ADGRL3: variants seen among roughly 807,000 people sequenced by gnomAD.
ADGRL3 encodes the protein calcium-independent alpha-latrotoxin receptor 3.
ADGRL3 carries 62 observed loss-of-function variants against 153.5 expected under a neutral mutation model. That is an observed-to-expected ratio of 0.40 (90% CI 0.33 to 0.50). The LOEUF (loss-of-function observed/expected upper bound fraction) is 0.50, where lower values mean the gene tolerates loss of function less well. Ranked by LOEUF, ADGRL3 falls within the 20% of genes least tolerant of loss-of-function variation. The pLI is 0.47. For missense variants in ADGRL3, 1,641 were observed against 1,859.4 expected, an observed-to-expected ratio of 0.88 and a Z score of 2.16; for synonymous variants, 710 against 672.5, an observed-to-expected ratio of 1.06 and a Z score of -0.86.
chr4:61,757,238 T>G (rs967711872), intron 8 of ADGRL3, among the ~76,000 whole-genome samples: 2 of 152,120 alleles, frequency 1.3e-5, no homozygotes, highest in Admixed American at 6.5e-5. Flanking sequence ...CGGCTGTGAA[T>G]CCATCTGGTC....
intron 4 of ADGRL3, among the ~76,000 whole-genome samples, chr4:61,520,324 T>G (rs1172006528): frequency 6.6e-6 from 1 of 152,172 alleles, no homozygotes; most frequent in Non-Finnish European, 1.5e-5. Context: ...TTTATCTCCA[T>G]GCAGCTGCAT....
At chr4:61,753,911 C>T (rs1216571868) in intron 8 of ADGRL3, among the ~76,000 whole-genome samples, 1 of 152,122 alleles carries the variant, frequency 6.6e-6, no homozygotes, top group East Asian at 1.9e-4. Flanking sequence ...CGCCTGGAGG[C>T]TAGGATACCA....
chr4:61,835,498 G>A (rs547704046), intron 9 of ADGRL3, among the ~76,000 whole-genome samples: 1 of 151,714 alleles, frequency 6.6e-6, no homozygotes, highest in Non-Finnish European at 1.5e-5. Flanking sequence ...TTAAGCTGAT[G>A]TTTAACCATA....
intron 5 of ADGRL3, among the ~76,000 whole-genome samples, chr4:61,626,666 A>T (rs1258764431): frequency 6.6e-6 from 1 of 152,114 alleles, no homozygotes. Context: ...AAGTAGTTTG[A>T]TGCTGATGAA....
At chr4:61,244,073 A>G (rs1756082104) in intron 1 of ADGRL3, among the ~76,000 whole-genome samples, 1 of 151,996 alleles carries the variant, frequency 6.6e-6, no homozygotes, top group African/African-American at 2.4e-5. Flanking sequence ...AACTTTCCCT[A>G]TCTGTCATAT....
chr4:62,043,747 A>G (rs904583304), intron 24 of ADGRL3, among the ~76,000 whole-genome samples: 1 of 152,054 alleles, frequency 6.6e-6, no homozygotes, highest in African/African-American at 2.4e-5. Flanking sequence ...AAAATCCCCC[A>G]ATGGAAAAAG....
intron 5 of ADGRL3, among the ~76,000 whole-genome samples, chr4:61,675,756 A>G (rs1271828137): frequency 6.6e-6 from 1 of 151,872 alleles, no homozygotes; most frequent in Admixed American, 6.6e-5. Context: ...TAATCACATC[A>G]GGGTAAATGG....
chr4:61,666,064 T>C (rs1028719184), intron 5 of ADGRL3, among the ~76,000 whole-genome samples: 4 of 152,194 alleles, frequency 2.6e-5, no homozygotes, highest in Admixed American at 2.6e-4. Flanking sequence ...ATGACAGAGG[T>C]AGGTGCCAGA....
intron 3 of ADGRL3, among the ~76,000 whole-genome samples, chr4:61,515,906 A>G (rs1023349733): frequency 9.9e-5 from 15 of 152,138 alleles, no homozygotes; most frequent in African/African-American, 3.6e-4. Context: ...TTACTTAGAG[A>G]TGTTGATTTT....
chr4:61,878,234 T>G (rs2149457455), intron 9 of ADGRL3, among the ~76,000 whole-genome samples: 1 of 152,300 alleles, frequency 6.6e-6, no homozygotes, highest in East Asian at 1.9e-4. Flanking sequence ...TCATTTTACC[T>G]TAGTTACTTT....
chr4:61,372,945 A>G (rs2096555787), intron 1 of ADGRL3, among the ~76,000 whole-genome samples: 1 of 152,130 alleles, frequency 6.6e-6, no homozygotes, highest in Non-Finnish European at 1.5e-5. Flanking sequence ...CCCTTTTTTA[A>G]GCCCGTCGGA....
intron 1 of ADGRL3, among the ~76,000 whole-genome samples, chr4:61,244,572 G>A (rs752493069): frequency 6.6e-6 from 1 of 151,820 alleles, no homozygotes. Flanking sequence ...ATTGTGCAAT[G>A]ATAAACTCAT....
intron 4 of ADGRL3, among the ~76,000 whole-genome samples, chr4:61,538,661 C>T (rs1026678909): frequency 2.0e-5 from 3 of 152,158 alleles, no homozygotes; most frequent in Admixed American, 6.5e-5. Context: ...AGGCTGGTCT[C>T]GAACTCCCTA....
intron 18 of ADGRL3, among the ~76,000 whole-genome samples, chr4:61,980,141 C>T (rs973474917): frequency 1.3e-5 from 2 of 151,946 alleles, no homozygotes; most frequent in African/African-American, 4.8e-5. Flanking sequence ...AACTGATGAA[C>T]CTGCATCAAC....
intron 5 of ADGRL3, among the ~76,000 whole-genome samples, chr4:61,675,684 C>T (rs2095166102): frequency 1.7e-5 from 1 of 59,412 alleles, no homozygotes; most frequent in South Asian, 4.8e-4. Context: ...TTTGTGGGAA[C>T]ATAGTCAATG....
chr4:61,559,539 TAGTC>T (rs1195491730), intron 4 of ADGRL3, among the ~76,000 whole-genome samples: 2 of 152,138 alleles, frequency 1.3e-5, no homozygotes, highest in African/African-American at 4.8e-5. Context: ...TGTGCACTAA[TAGTC>T]AGTGCGTCTG....
chr4:61,647,140 C>T (rs563897239), intron 5 of ADGRL3, among the ~76,000 whole-genome samples: 4 of 152,204 alleles, frequency 2.6e-5, no homozygotes, highest in South Asian at 2.1e-4. Flanking sequence ...TCAGCTCCTG[C>T]GCGGTGCACT....
chr4:62,012,087 G>A (rs546917669), intron 21 of ADGRL3, among the ~76,000 whole-genome samples: 1 of 152,092 alleles, frequency 6.6e-6, no homozygotes, highest in Non-Finnish European at 1.5e-5. Flanking sequence ...TTGTGAGAGA[G>A]CTTGAATAAG....
intron 17 of ADGRL3, among the ~76,000 whole-genome samples, chr4:61,958,424 T>TCTTTCTTTC (rs2098976112): frequency 6.7e-6 from 1 of 149,918 alleles, no homozygotes. Flanking sequence ...TTTCTTTCTT[T>TCTTTCTTTC]ATTAGAAACC....
Sources: allele counts gnomAD v4.1 joint callset (sites outside exome capture counted in the v4.1 genomes callset), GRCh38; gene constraint gnomAD v4.1.1; transcripts MANE v1.5; gene names NCBI Gene and HGNC (gene_info 2026-07-23, HGNC 2026-07-21).